The following PAK4 variants were observed in gnomAD, a reference collection of about 807,000 sequenced individuals.
PAK4 encodes the protein p21 (RAC1) activated kinase 4, also known as serine/threonine-protein kinase PAK 4.
PAK4 carries 49 observed loss-of-function variants against 53.5 expected under a neutral mutation model. That is an observed-to-expected ratio of 0.92 (90% CI 0.73 to 1.16). The LOEUF (loss-of-function observed/expected upper bound fraction) is 1.16. Among genes scored for constraint, PAK4 ranks in the 50% most tolerant of loss-of-function variants. PAK4 has a pLI of 0.00. For missense variants in PAK4, 824 were observed against 850.7 expected (o/e 0.97, Z 0.39); for synonymous variants, 376 against 375.6 (o/e 1.00, Z -0.01).
intron 4 of PAK4, 48 bp downstream of exon 5, chr19:39,174,058 C>T: frequency 1.8e-6 from 2 of 1,137,980 alleles, no homozygotes; most frequent in South Asian, 1.5e-5. Context: ...CCACCCCTCC[C>T]TCCCACCCTC....
At chr19:39,158,069 AGCAT>A (rs1180266890) in intron 1 of PAK4, among the ~76,000 whole-genome samples, 1 of 141,214 alleles carries the variant, frequency 7.1e-6, no homozygotes, top group African/African-American at 2.5e-5. Context: ...CGTGTGTGTG[AGCAT>A]GCATGTGTGT....
chr19:39,163,379 G>T lies in PAK4; in HGVS notation c.-22-6153G>T, dbSNP rs541373727. On this transcript the variant is annotated intron_variant, in intron 1 of 8. Coordinates refer to ENST00000358301, the Ensembl canonical transcript of PAK4. ...CCTCCCTTCCAGGGGCAGCAGCTTT[G>T]ATCAGAGCCTGGAGGGGGCGGGGCA... Among the ~76,000 whole-genome samples the T allele has an allele frequency of 2.0e-5, 3 of 152,322 alleles. No homozygotes were observed. The South Asian group carries it at 6.2e-4, about 32-fold the overall frequency.
At position 39,139,465 on chromosome 19, in the gene PAK4, A is replaced by T. The variant is rs574719159; in HGVS notation, c.-23+13546A>T. Among the ~76,000 whole-genome samples, 17 of 152,292 alleles carry T rather than the reference A, an allele frequency of 1.1e-4. No individual in the cohort carries two copies. In the South Asian group the frequency reaches 3.5e-3, roughly 32 times the overall value. ...GTGATGGCTTGGAGGCGGCTGGACC[A>T]GGAACACCTCATGGGAGTTTGCGAA... On this transcript the variant is annotated intron_variant, in intron 1 of 8. Transcript: ENST00000358301.
intron 1 of PAK4, among the ~76,000 whole-genome samples, chr19:39,126,608 G>A (rs892130902): frequency 6.6e-6 from 1 of 152,080 alleles, no homozygotes; most frequent in African/African-American, 2.4e-5. Context: ...ATAGTCTTAG[G>A]GGGTCTTAAC....
At chr19:39,152,530 A>G (rs1320113687) in intron 1 of PAK4, 1 of 152,214 alleles carries the variant, frequency 6.6e-6, no homozygotes, top group African/African-American at 2.4e-5. Context: ...AAGGAAAAGA[A>G]AAAAAATTGT....
chr19:39,159,384 G>A lies in PAK4; in HGVS notation c.-22-10148G>A, dbSNP rs73933808. 8.2e-3 allele frequency among the ~76,000 whole-genome samples: 1,242 copies of A among 152,242 alleles called. 26 individuals carry two copies. Among genetic ancestry groups the A allele is most frequent in the African/African-American group, 0.028 (1,169 of 41,546 alleles). ...ACAGATGCTGTCAAGGGGAAGGCAC[G>A]GGACATGCAGGGTTTTTTTCAGACA... On this transcript the variant is annotated intron_variant, in intron 1 of 8. Transcript: ENST00000358301.
At chr19:39,158,433 C>T (rs1485876953) in intron 1 of PAK4, among the ~76,000 whole-genome samples, 1 of 152,128 alleles carries the variant, frequency 6.6e-6, no homozygotes, top group East Asian at 1.9e-4. Context: ...GGGCCTCTTT[C>T]CTGCCACATC....
intron 1 of PAK4, among the ~76,000 whole-genome samples, chr19:39,141,901 A>G (rs1245959360): frequency 6.6e-6 from 1 of 152,244 alleles, no homozygotes; most frequent in Non-Finnish European, 1.5e-5. Context: ...TGTTGGGATT[A>G]TAGGCGTGAG....
intron 1 of PAK4, among the ~76,000 whole-genome samples, chr19:39,147,677 A>G (rs2074023007): frequency 6.6e-6 from 1 of 152,052 alleles, no homozygotes. Flanking sequence ...TAGCTCTTCT[A>G]ATAAGTGTGC....
At chr19:39,128,682 G>A (rs953381012) in intron 1 of PAK4, among the ~76,000 whole-genome samples, 5 of 152,082 alleles carry the variant, frequency 3.3e-5, no homozygotes, top group East Asian at 1.9e-4. Flanking sequence ...AGAACACACC[G>A]TGATACAGTT....
At chr19:39,138,211 CT>C (rs2073852501) in intron 1 of PAK4, among the ~76,000 whole-genome samples, 1 of 151,748 alleles carries the variant, frequency 6.6e-6, no homozygotes, top group African/African-American at 2.4e-5. Flanking sequence ...TGTTCTCAAA[CT>C]TTTTTTTGTT....
At chr19:39,148,893 TC>T (rs1600342650) in intron 1 of PAK4, among the ~76,000 whole-genome samples, 1 of 152,160 alleles carries the variant, frequency 6.6e-6, no homozygotes, top group Non-Finnish European at 1.5e-5. Context: ...GTCCAGTTGT[TC>T]CAGCCAGCAT....
chr19:39,157,987 C>G (rs916943673), intron 1 of PAK4, among the ~76,000 whole-genome samples: 2 of 152,120 alleles, frequency 1.3e-5, no homozygotes, highest in African/African-American at 2.4e-5. Context: ...TCACATGCAT[C>G]TGTGTCTAGG....
chr19:39,153,904 C>T (rs1480114537), intron 1 of PAK4, among the ~76,000 whole-genome samples: 1 of 152,122 alleles, frequency 6.6e-6, no homozygotes, highest in Non-Finnish European at 1.5e-5. Flanking sequence ...ACTTTTGAGG[C>T]CATCATATGC....
At chr19:39,165,192 G>GATAAAATAATAATAATA (rs74176492) in intron 1 of PAK4, among the ~76,000 whole-genome samples, 1 of 130,474 alleles carries the variant, frequency 7.7e-6, no homozygotes, top group African/African-American at 2.9e-5. Flanking sequence ...TGATGATGAT[G>GATAAAATAATAATAATA]ATGATAATAA....
chr19:39,127,042 T>C (rs1034446043), intron 1 of PAK4, among the ~76,000 whole-genome samples: 4 of 152,024 alleles, frequency 2.6e-5, no homozygotes, highest in African/African-American at 9.7e-5. Flanking sequence ...GATTGTCTGC[T>C]TGGTTTCCTT....
Position 39,174,986 on chromosome 19 carries a change from A to G in PAK4, c.1154A>G (p.Tyr385Cys), listed in dbSNP as rs142488595. ...AATGTGGTGGAGATGTACAACAGCTACCTGGTGGGGGACGAGCTCTGGGTG... is the reference window on the plus strand; with the variant it reads ...AATGTGGTGGAGATGTACAACAGCTGCCTGGTGGGGGACGAGCTCTGGGTG... Residue 385 changes from tyrosine (Y) to cysteine (C), a missense_variant, in exon 5 of 9, where the codon TAC (tyrosine) becomes TGC (cysteine). Around this residue, in one of 2 missense-constraint regions of PAK4, gnomAD observed 346 missense variants for 415.0 expected, o/e 0.83. Coordinates refer to ENST00000358301, the Ensembl canonical transcript of PAK4. 6 of 1,613,716 alleles carry G rather than the reference A, an allele frequency of 3.7e-6. No individual in the cohort carries two copies. In the African/African-American group the frequency reaches 4.0e-5, roughly 11 times the overall value.
chr19:39,151,618 G>A (rs565626453), intron 1 of PAK4, among the ~76,000 whole-genome samples: 8 of 152,336 alleles, frequency 5.3e-5, no homozygotes, highest in African/African-American at 1.9e-4. Context: ...CCACACAGCT[G>A]CCAAAGCAGC....
intron 7 of PAK4, 123 bp from the exon 9 acceptor site, chr19:39,177,552 T>G: frequency 9.3e-7 from 1 of 1,076,372 alleles, no homozygotes; most frequent in Non-Finnish European, 1.3e-6. Context: ...CAAGAGGGAG[T>G]TCTGGGCCAA....
Sources: gnomAD v4.1 joint callset for allele counts (sites outside exome capture counted in the v4.1 genomes callset) on GRCh38, gnomAD v4.1.1 for gene constraint, gnomAD v4.1.1 regional missense constraint, MANE v1.5 for transcripts, NCBI Gene and HGNC (gene_info 2026-07-23, HGNC 2026-07-21) for gene names.